Variants in ITPK1 observed in about 807,000 individuals in gnomAD.
ITPK1 encodes the protein inositol-tetrakisphosphate 1-kinase, also known as inositol 1,3,4-trisphosphate 5/6-kinase.
A neutral mutation model predicts 45.3 loss-of-function variants in ITPK1; 21 were observed. The observed-to-expected ratio is 0.46, with a 90% CI of 0.33 to 0.67. ITPK1 has a LOEUF of 0.67. Among genes scored for constraint, ITPK1 ranks in the 30% least tolerant of loss-of-function variants. The probability of loss-of-function intolerance (pLI) is 0.02; values close to 1 mark genes in which losing one functional copy is unlikely to be tolerated. For synonymous variants in ITPK1, 258 were observed against 253.6 expected, an observed-to-expected ratio of 1.02 and a Z score of -0.16; for missense variants, 474 against 573.5, an observed-to-expected ratio of 0.83 and a Z score of 1.77.
intron 8 of ITPK1, among the ~76,000 whole-genome samples, chr14:92,956,736 A>C (rs560783863): frequency 1.6e-4 from 24 of 152,302 alleles, no homozygotes; most frequent in African/African-American, 5.8e-4. Flanking sequence ...AATTTAATAT[A>C]TTTTCCATAG....
At chr14:93,113,232 C>T (rs554414340) in intron 2 of ITPK1, among the ~76,000 whole-genome samples, 2 of 152,322 alleles carry the variant, frequency 1.3e-5, no homozygotes, top group Admixed American at 6.5e-5. Context: ...TAATGCTCTA[C>T]TCCCCAGAAC....
intron 2 of ITPK1, among the ~76,000 whole-genome samples, chr14:93,106,922 G>T (rs1892549476): frequency 6.6e-6 from 1 of 152,016 alleles, no homozygotes; most frequent in Admixed American, 6.6e-5. Context: ...ACATGAAAAA[G>T]GCTTCCAAAA....
chr14:93,055,665 C>T (rs570083183), intron 3 of ITPK1, among the ~76,000 whole-genome samples: 4 of 152,308 alleles, frequency 2.6e-5, no homozygotes, highest in South Asian at 4.1e-4. Context: ...CTGTCCCCTC[C>T]CATGCCTCCC....
At chr14:93,087,017 C>T (rs75341922) in intron 2 of ITPK1, among the ~76,000 whole-genome samples, 68 of 152,358 alleles carry the variant, frequency 4.5e-4, no homozygotes, top group African/African-American at 1.6e-3. Flanking sequence ...ACAGATTCAC[C>T]CACAAGCCCT....
chr14:93,006,136 G>A (rs1345810291), intron 4 of ITPK1, among the ~76,000 whole-genome samples: 1 of 152,168 alleles, frequency 6.6e-6, no homozygotes, highest in East Asian at 1.9e-4. Flanking sequence ...GGACTGCTGA[G>A]AGCCGAGCAG....
chr14:92,941,345 G>A lies in ITPK1; in HGVS notation c.*216C>T. 7.1e-7 allele frequency: 1 copy of A among 1,410,968 alleles called. No individual in the cohort carries two copies. Among genetic ancestry groups the A allele is most frequent in the South Asian group, 1.6e-5 (1 of 63,336 alleles). 87.4% of individuals were successfully genotyped at this position (1,410,968 alleles called of 1,614,324 possible). ...AGGTCTGCACAGTAGAGAGCAGGCG[G>A]ACGGCCCCACTCCCCAACGGTGGAC... On this transcript the variant is annotated 3_prime_UTR_variant, in exon 11 of 11. Coordinates refer to ENST00000267615, the MANE Select transcript of ITPK1 (RefSeq NM_014216.6).
At chr14:93,062,203 G>T (rs938475376) in intron 3 of ITPK1, among the ~76,000 whole-genome samples, 11 of 152,166 alleles carry the variant, frequency 7.2e-5, no homozygotes, top group Non-Finnish European at 1.5e-4. Flanking sequence ...CCTGGGAGGC[G>T]GAGGTTGCAG....
At chr14:93,024,468 G>A (rs376108343) in intron 3 of ITPK1, among the ~76,000 whole-genome samples, 6 of 152,302 alleles carry the variant, frequency 3.9e-5, no homozygotes, top group East Asian at 3.9e-4. Context: ...GCCAGCCATC[G>A]ATTACCTCCC....
At position 93,008,375 on chromosome 14, in the gene ITPK1, T is replaced by A. The variant is rs1192876452; in HGVS notation, c.246+8301A>T. 2.3e-5 allele frequency among the ~76,000 whole-genome samples: 3 copies of A among 132,466 alleles called. No homozygotes were observed. The East Asian group carries it at 7.2e-4, about 32-fold the overall frequency. The allele number at this position is 132,466 out of a possible 152,430, so 86.9% of individuals were successfully genotyped here. ...CCACCAGGTCTTATTCATTGTTGCATCTGTAATGTCTTTTAGGAGAACTCT... is the reference window on the plus strand; with the variant it reads ...CCACCAGGTCTTATTCATTGTTGCAACTGTAATGTCTTTTAGGAGAACTCT... On this transcript the variant is annotated intron_variant, in intron 4 of 10. Transcript: ENST00000267615.
chr14:93,073,137 C>G (rs1453129658), intron 3 of ITPK1, among the ~76,000 whole-genome samples: 3 of 152,250 alleles, frequency 2.0e-5, no homozygotes, highest in South Asian at 2.1e-4. Flanking sequence ...CAAAGTAACT[C>G]AGTCCTCACA....
intron 3 of ITPK1, among the ~76,000 whole-genome samples, chr14:93,037,293 C>T (rs1460695850): frequency 6.6e-6 from 1 of 152,244 alleles, no homozygotes; most frequent in Non-Finnish European, 1.5e-5. Context: ...TCAGATCCTG[C>T]CTGCATTTCA....
At chr14:93,030,215 C>T (rs1888965372) in intron 3 of ITPK1, among the ~76,000 whole-genome samples, 2 of 152,228 alleles carry the variant, frequency 1.3e-5, no homozygotes, top group African/African-American at 2.4e-5. Context: ...TGAGGTGACA[C>T]GTCCCACTTG....
chr14:92,958,449 G>A lies in ITPK1; in HGVS notation c.505-83C>T. ...CACACAGGTGTGTCACCTGTCCAGA[G>A]CACCTCCACCAAGGCCCATCCCTGG... On this transcript the variant is annotated intron_variant, in intron 7 of 10. Transcript: ENST00000267615. The surrounding 1 kb of genome is among the most constrained non-coding windows in gnomAD (Gnocchi z 4.4). The A allele has an allele frequency of 7.3e-7, 1 of 1,371,528 alleles. No homozygotes were observed. Among genetic ancestry groups the A allele is most frequent in the African/African-American group, 1.4e-5 (1 of 70,228 alleles). 85.0% of individuals were successfully genotyped at this position (1,371,528 alleles called of 1,614,324 possible). A position where few individuals can be genotyped will look rare whatever the true frequency, so the allele number is the denominator to read the frequency against.
intron 2 of ITPK1, among the ~76,000 whole-genome samples, chr14:93,096,401 C>T (rs528550605): frequency 2.6e-5 from 4 of 152,358 alleles, no homozygotes; most frequent in Admixed American, 2.6e-4. Flanking sequence ...TCTGTACCCT[C>T]CCTATAGCCC....
chr14:92,949,273 G>A (rs1436968575), intron 9 of ITPK1, among the ~76,000 whole-genome samples: 2 of 152,020 alleles, frequency 1.3e-5, no homozygotes, highest in African/African-American at 4.8e-5. Context: ...TTTGTATTTT[G>A]TTTTGGTAGG....
intron 2 of ITPK1, among the ~76,000 whole-genome samples, chr14:93,078,020 T>C (rs1050431865): frequency 6.6e-6 from 1 of 152,164 alleles, no homozygotes; most frequent in African/African-American, 2.4e-5. Flanking sequence ...TATGCCAAAC[T>C]TTAAAGCTAT....
chr14:93,078,479 A>C (rs777591828), intron 2 of ITPK1, among the ~76,000 whole-genome samples: 7 of 152,140 alleles, frequency 4.6e-5, no homozygotes, highest in Non-Finnish European at 1.0e-4. Flanking sequence ...ACCTCAACAG[A>C]AACCTGGGCC....
At chr14:93,082,405 G>C (rs540999309) in intron 2 of ITPK1, among the ~76,000 whole-genome samples, 3 of 152,166 alleles carry the variant, frequency 2.0e-5, no homozygotes, top group African/African-American at 7.2e-5. Flanking sequence ...GAGCGGAAGA[G>C]GTGGGTGAGC....
chr14:92,974,297 A>G (rs561540765), intron 5 of ITPK1, among the ~76,000 whole-genome samples: 2 of 152,288 alleles, frequency 1.3e-5, no homozygotes, highest in South Asian at 4.1e-4. Flanking sequence ...AAGGTCTATG[A>G]ACAGTCCTGG....
Sources: allele counts gnomAD v4.1 joint callset (sites outside exome capture counted in the v4.1 genomes callset), GRCh38; gene constraint gnomAD v4.1.1; non-coding constraint Gnocchi (gnomAD v3.1); transcripts MANE v1.5; gene names NCBI Gene and HGNC (gene_info 2026-07-23, HGNC 2026-07-21).